The following GPATCH2 variants were observed in gnomAD, a reference collection of about 807,000 sequenced individuals.
GPATCH2 encodes G-patch domain containing 2.
Under a neutral mutation model 58.0 loss-of-function variants are expected in GPATCH2, and 51 were observed. The ratio of observed to expected loss-of-function variants is 0.88; its 90% CI spans 0.70 to 1.11. The LOEUF (loss-of-function observed/expected upper bound fraction) is 1.11, where lower values mean the gene tolerates loss of function less well. Among genes scored for constraint, GPATCH2 ranks in the 50% most tolerant of loss-of-function variants. The probability of loss-of-function intolerance (pLI) is 0.00; values close to 1 mark genes in which losing one functional copy is unlikely to be tolerated. For missense variants in GPATCH2, 625 were observed against 652.2 expected (o/e 0.96, Z 0.45); for synonymous variants, 222 against 218.5 (o/e 1.02, Z -0.14).
intron 5 of GPATCH2, among the ~76,000 whole-genome samples, chr1:217,595,938 A>AT (rs1558511844): frequency 1.3e-5 from 2 of 151,806 alleles, no homozygotes; most frequent in Non-Finnish European, 2.9e-5. Context: ...TATATATATA[A>AT]AAAAGAAAAC....
At chr1:217,611,744 T>C (rs1415953656) in intron 3 of GPATCH2, among the ~76,000 whole-genome samples, 4 of 152,130 alleles carry the variant, frequency 2.6e-5, no homozygotes, top group Non-Finnish European at 5.9e-5. Context: ...AAGAAATAGT[T>C]TTGAAAAAGT....
chr1:217,618,912 G>C (rs1450110743), intron 2 of GPATCH2, among the ~76,000 whole-genome samples: 1 of 151,138 alleles, frequency 6.6e-6, no homozygotes, highest in African/African-American at 2.4e-5. Context: ...GCAATGAGCT[G>C]AGATCACACC....
chr1:217,542,367 A>G (rs1664790743), intron 5 of GPATCH2, among the ~76,000 whole-genome samples: 1 of 152,218 alleles, frequency 6.6e-6, no homozygotes, highest in African/African-American at 2.4e-5. Context: ...ACCCCATGCT[A>G]TGCCCATTAT....
intron 5 of GPATCH2, among the ~76,000 whole-genome samples, chr1:217,547,767 C>T (rs893784183): frequency 5.3e-5 from 8 of 152,056 alleles, no homozygotes; most frequent in Non-Finnish European, 8.8e-5. Flanking sequence ...CTAACTGATA[C>T]GGTTTGGCTC....
chr1:217,476,107 GAAACA>G (rs1032863708), intron 8 of GPATCH2, among the ~76,000 whole-genome samples: 4 of 151,828 alleles, frequency 2.6e-5, no homozygotes, highest in African/African-American at 9.7e-5. Context: ...AAGCAAATAA[GAAACA>G]AAACAATGAT....
chr1:217,501,826 G>T (rs12405294), intron 6 of GPATCH2, among the ~76,000 whole-genome samples: 60,101 of 151,684 alleles, frequency 0.4, 12,552 homozygotes, highest in Non-Finnish European at 0.45. Flanking sequence ...ATTACATTTT[G>T]AAAGGTCTTT....
rs60392448 is a variant in GPATCH2, at chr1:217,583,570, C to CAA, written c.1098+26749_1098+26750dup. 7.1e-3 allele frequency among the ~76,000 whole-genome samples: 460 copies of CAA among 64,910 alleles called. 9 individuals carry two copies. The highest frequency in any genetic ancestry group is 0.023 in the African/African-American group (373 of 15,938). 42.6% of individuals were successfully genotyped at this position (64,910 alleles called of 152,430 possible). ...TGGGCATCAGAGCAAGACTCTGTCT[C>CAA]AAAAAAAAAAAAAAAAAAAAAGATA... is the stretch of plus-strand genomic sequence containing the variant. On this transcript the variant is annotated intron_variant, in intron 5 of 9. Coordinates refer to ENST00000366935, the MANE Select transcript of GPATCH2 (RefSeq NM_018040.5).
intron 9 of GPATCH2, among the ~76,000 whole-genome samples, chr1:217,444,557 G>A (rs185320349): frequency 6.6e-6 from 1 of 152,278 alleles, no homozygotes; most frequent in East Asian, 1.9e-4. Context: ...TAACACGTGT[G>A]CTTACTCTGT....
At chr1:217,482,767 T>A (rs1285486647) in intron 8 of GPATCH2, among the ~76,000 whole-genome samples, 1 of 152,194 alleles carries the variant, frequency 6.6e-6, no homozygotes, top group Non-Finnish European at 1.5e-5. Context: ...ATACATAAAC[T>A]TCAAATCCTT....
At chr1:217,489,949 T>C (rs1055732465) in intron 8 of GPATCH2, among the ~76,000 whole-genome samples, 1 of 152,242 alleles carries the variant, frequency 6.6e-6, no homozygotes, top group African/African-American at 2.4e-5. Flanking sequence ...CAATTATCAC[T>C]TTATAGAAGC....
intron 5 of GPATCH2, among the ~76,000 whole-genome samples, chr1:217,574,896 G>T (rs1666735813): frequency 6.6e-6 from 1 of 152,000 alleles, no homozygotes; most frequent in Non-Finnish European, 1.5e-5. Context: ...CAGAGATAAG[G>T]GAAACATAAA....
chr1:217,609,718 A>T, intron 5 of GPATCH2: 5 of 950,010 alleles, frequency 5.3e-6, no homozygotes, highest in Non-Finnish European at 6.3e-6. Context: ...TGAACCATAA[A>T]TGTCAATGCA....
At chr1:217,491,846 T>A in intron 7 of GPATCH2, 96 bp from the exon 8 acceptor site, 2 of 441,952 alleles carry the variant, frequency 4.5e-6, no homozygotes, top group Admixed American at 4.0e-5. Flanking sequence ...GGGACACTAC[T>A]CATTTATTTG....
rs184599861 is a variant in GPATCH2 at position 217,439,599 on chromosome 1, T to C, written c.1367-8234A>G. Among the ~76,000 whole-genome samples the C allele has an allele frequency of 1.7e-4, 26 of 151,402 alleles. No homozygotes were observed. In the East Asian group the frequency reaches 4.3e-3, roughly 25 times the overall value. Reference sequence around the variant, plus strand: ...CCAGGAGCTGGTTGTTTGAAAACATTAACAAAATAGACTGCTAGTCAGACT... The same window carrying C: ...CCAGGAGCTGGTTGTTTGAAAACATCAACAAAATAGACTGCTAGTCAGACT... On this transcript the variant is annotated intron_variant, in intron 9 of 9. Transcript: ENST00000366935.
intron 5 of GPATCH2, among the ~76,000 whole-genome samples, chr1:217,602,898 A>C (rs1488577961): frequency 6.6e-6 from 1 of 152,176 alleles, no homozygotes; most frequent in Non-Finnish European, 1.5e-5. Flanking sequence ...AGAAATGAAG[A>C]CTACTTTATG....
At chr1:217,618,557 C>T (rs1413291997) in intron 2 of GPATCH2, among the ~76,000 whole-genome samples, 1 of 152,056 alleles carries the variant, frequency 6.6e-6, no homozygotes, top group Non-Finnish European at 1.5e-5. Flanking sequence ...AATTATATGA[C>T]TAGCACACCA....
At chr1:217,533,487 G>A (rs965928270) in intron 5 of GPATCH2, among the ~76,000 whole-genome samples, 20 of 152,154 alleles carry the variant, frequency 1.3e-4, no homozygotes, top group Non-Finnish European at 2.5e-4. Flanking sequence ...GAGTCTCAGG[G>A]ACCCCCAGTG....
chr1:217,617,273 C>T (rs2102831616), intron 2 of GPATCH2, among the ~76,000 whole-genome samples: 1 of 152,316 alleles, frequency 6.6e-6, no homozygotes, highest in African/African-American at 2.4e-5. Context: ...GCTGCTCCCT[C>T]TCTACCTATG....
intron 8 of GPATCH2, among the ~76,000 whole-genome samples, chr1:217,489,800 T>A (rs915126115): frequency 1.3e-5 from 2 of 152,202 alleles, no homozygotes; most frequent in Non-Finnish European, 2.9e-5. Context: ...AGGCGGAGGT[T>A]GCAGTGAGTG....
Sources: allele counts gnomAD v4.1 joint callset (sites outside exome capture counted in the v4.1 genomes callset), GRCh38; gene constraint gnomAD v4.1.1; transcripts MANE v1.5; gene names NCBI Gene and HGNC (gene_info 2026-07-23, HGNC 2026-07-21).